TTN: variants seen among roughly 807,000 people sequenced by gnomAD.
The protein encoded by TTN is titin, also known as connectin.
TTN carries 1,525 observed loss-of-function variants against 3,223.0 expected under a neutral mutation model. That is an observed-to-expected ratio of 0.47 (90% CI 0.45 to 0.49). TTN has a LOEUF of 0.49. TTN is among the 20% of genes least tolerant of loss of function. TTN has a pLI of 0.00. For missense variants in TTN, 40,786 were observed against 43,424.0 expected (o/e 0.94, Z 5.40); for synonymous variants, 14,094 against 15,161.0 (o/e 0.93, Z 5.17).
rs769543331 is a variant in TTN at position 178,553,175 on chromosome 2, T to C, written c.89725A>G (p.Lys29909Glu). The C allele has an allele frequency of 4.3e-6, 7 of 1,613,838 alleles. No homozygotes were observed. Among genetic ancestry groups the C allele is most frequent in the Non-Finnish European group, 5.9e-6 (7 of 1,179,774 alleles). ...IPQVTRNDTG[K>E]YILTIENGVG... ...CCATTTTCTATTGTGAGAATATATT[T>C]TCCTGTATCATTGCGAGTAACTTGA... The change falls in exon 335 of 363, where the codon AAA becomes GAA. Residue 29909 changes from lysine to glutamate, a missense_variant. Transcript: ENST00000589042.
rs1206730042 is a variant in TTN, at chr2:178,780,041, C to T, written c.3688G>A (p.Ala1230Thr). 53 of 1,613,186 alleles carry T rather than the reference C, an allele frequency of 3.3e-5. No individual in the cohort carries two copies. Among genetic ancestry groups the T allele is most frequent in the Non-Finnish European group, 4.4e-5 (52 of 1,179,822 alleles). ...GTTCTGACCACTACAGTATCTTTGG[C>T]CATTTTCTTCCTAATTAAGGCTTGT... The part of the protein sequence containing the change: ...KEQALIRKKM[A>T]KDTVVVRTYV... The change falls in exon 22 of 363, where the codon GCC (alanine) becomes ACC (threonine). Residue 1230 changes from alanine (A) to threonine (T), a missense_variant. Transcript: ENST00000589042.
chr2:178,605,843 T>C (rs1207863590), intron 278 of TTN, 130 bp from the exon 279 acceptor site: 1 of 854,306 alleles, frequency 1.2e-6, no homozygotes, highest in Non-Finnish European at 1.6e-6. Flanking sequence ...TTATTTAAAA[T>C]CATTCCTAAA....
At chr2:178,645,716 G>T in intron 217 of TTN, 1 of 384,990 alleles carries the variant, frequency 2.6e-6, no homozygotes, top group East Asian at 4.3e-5. Flanking sequence ...TGTACTTTCT[G>T]ACTTTTGCAG....
chr2:178,593,206 G>A lies in TTN; in HGVS notation c.59002C>T (p.Pro19668Ser). ...NEIGIGDPSP[P>S]SKPVFAKDPI... The stretch of plus-strand genomic sequence containing the variant: ...TCTTTAGCAAAGACTGGTTTGGATG[G>A]TGGGCTTGGATCTCCAATACCAATT... The change falls in exon 299 of 363, where the codon CCA becomes TCA. Residue 19668 changes from proline (P) to serine (S), a missense_variant. Coordinates refer to ENST00000589042, the MANE Select transcript of TTN (RefSeq NM_001267550.2). 1.2e-6 allele frequency: 2 copies of A among 1,613,370 alleles called. No individual in the cohort carries two copies. The highest frequency in any genetic ancestry group is 1.7e-6 in the Non-Finnish European group (2 of 1,179,590).
At chr2:178,745,275 C>A in intron 47 of TTN, 1 of 1,184,412 alleles carries the variant, frequency 8.4e-7, no homozygotes, top group Non-Finnish European at 1.1e-6. Flanking sequence ...TCCACTGAAA[C>A]ACTTTGTGGA....
At chr2:178,733,145 A>T (rs751689977) in intron 54 of TTN, 24 bp from the exon 55 acceptor site, 1 of 1,567,900 alleles carries the variant, frequency 6.4e-7, no homozygotes, top group Non-Finnish European at 8.6e-7. Context: ...AAGAAGGGAG[A>T]AAAGGTCAAT....
intron 250 of TTN, 88 bp from the exon 251 acceptor site, chr2:178,618,941 G>A: frequency 6.7e-7 from 1 of 1,499,968 alleles, no homozygotes; most frequent in Non-Finnish European, 8.9e-7. Flanking sequence ...AGAAAATATT[G>A]GTTACATAAC....
In TTN at chr2:178,751,841, G is replaced by T. The variant is rs189445085; in HGVS notation, c.11311+1283C>A. ...AATTAATCTACATGTAAAAACAACC[G>T]GTTCACCCTCTAAAACATATTTAAA... On this transcript the variant is annotated intron_variant, in intron 47 of 362. Transcript: ENST00000589042. 15 of 1,612,612 alleles carry T rather than the reference G, an allele frequency of 9.3e-6. No individual in the cohort carries two copies. The African/African-American group carries it at 1.6e-4, about 17-fold the overall frequency.
In TTN at chr2:178,549,003, C is replaced by G. The variant is rs753079465; in HGVS notation, c.92623G>C (p.Ala30875Pro). ...LGDWHKVNAE[A>P]CVKTRYTVTD... Reference sequence around the variant, plus strand: ...ACTGTATATCTTGTTTTCACACATGCCTCTGCATTCACCTTGTGCCAGTCT... The same window carrying G: ...ACTGTATATCTTGTTTTCACACATGGCTCTGCATTCACCTTGTGCCAGTCT... The change falls in exon 339 of 363, where the codon GCA becomes CCA. Residue 30875 changes from alanine (A) to proline (P), a missense_variant. Transcript: ENST00000589042. 3 of 1,613,892 alleles carry G rather than the reference C, an allele frequency of 1.9e-6. No individual in the cohort carries two copies. Among genetic ancestry groups the G allele is most frequent in the Non-Finnish European group, 2.5e-6 (3 of 1,179,838 alleles).
rs565739809 is a variant in TTN at position 178,625,409 on chromosome 2, A to T, written c.44425-13T>A. 1.2e-5 allele frequency: 19 copies of T among 1,541,310 alleles called. No individual in the cohort carries two copies. Among genetic ancestry groups the T allele is most frequent in the African/African-American group, 2.8e-5 (2 of 70,462 alleles). ...AACGTGGGACCACCTAGTTGTTTTT[A>T]AAAAAAGAATACATGAAACAGCAAT... On this transcript the variant is annotated splice_polypyrimidine_tract_variant and intron_variant, in intron 240 of 362. Coordinates refer to ENST00000589042, the MANE Select transcript of TTN (RefSeq NM_001267550.2).
At chr2:178,604,331 A>G in intron 281 of TTN, 26 bp from the exon 282 acceptor site, 1 of 1,425,802 alleles carries the variant, frequency 7.0e-7, no homozygotes, top group Non-Finnish European at 9.2e-7. Context: ...ACAGAAATTT[A>G]TTGAAGAGAA....
At position 178,799,477 on chromosome 2, in the gene TTN, G is replaced by C; in HGVS notation, c.914+10C>G. On this transcript the variant is annotated intron_variant, in intron 6 of 362. Transcript: ENST00000589042. Reference sequence around the variant, plus strand: ...TGTGCAATAATCTGCTCTCTCTATGGCAGCTTTACCTGACCGGAGATGGGG... The same window carrying C: ...TGTGCAATAATCTGCTCTCTCTATGCCAGCTTTACCTGACCGGAGATGGGG... 6.2e-7 allele frequency: 1 copy of C among 1,614,074 alleles called. No homozygotes were observed.
In TTN at chr2:178,557,691, A is replaced by G. The variant is rs397517737; in HGVS notation, c.87663T>C (p.Ser29221=). ...RIKAENRFGI[S]DHIDSACVTV... ...TCACACAAGCTGAATCTATATGATC[A>G]CTGATGCCAAAGCGGTTTTCTGCCT... is the stretch of plus-strand genomic sequence containing the variant. The change falls in exon 328 of 363, where the codon AGT becomes AGC. Residue 29221 remains serine, a synonymous_variant. Transcript: ENST00000589042. 1.1e-5 allele frequency: 18 copies of G among 1,613,852 alleles called. No individual in the cohort carries two copies. The highest frequency in any genetic ancestry group is 3.3e-4 in the Middle Eastern group (2 of 6,078).
In TTN at chr2:178,667,129, G is replaced by A. The variant is rs10221760; in HGVS notation, c.35797+107C>T. On this transcript the variant is annotated intron_variant, in intron 162 of 362. Coordinates refer to ENST00000589042, the MANE Select transcript of TTN (RefSeq NM_001267550.2). Reference sequence around the variant, plus strand: ...GGGTATATCAGATCCTTTAAACACAGTATTTTAACATTAGAGGTTGTGAGA... The same window carrying A: ...GGGTATATCAGATCCTTTAAACACAATATTTTAACATTAGAGGTTGTGAGA... The A allele has an allele frequency of 0.053, 58,983 of 1,111,474 alleles. 4,378 individuals are homozygous for A. Among genetic ancestry groups the A allele is most frequent in the African/African-American group, 0.27 (17,264 of 63,008 alleles). The allele number at this position is 1,111,474 out of a possible 1,614,324, so 68.9% of individuals were successfully genotyped here.
In TTN at chr2:178,552,144, A is replaced by G. The variant is rs1196080914; in HGVS notation, c.90756T>C (p.Asn30252=). Residue 30252 remains asparagine (N), a synonymous_variant, in exon 335 of 363, where the codon AAT becomes AAC. Coordinates refer to ENST00000589042, the MANE Select transcript of TTN (RefSeq NM_001267550.2). Reference sequence around the variant, plus strand: ...TGTAACAAGTAATTTCTCCTCCTCCATTATCTTCAGGTACATCCCATGACA... The same window carrying G: ...TGTAACAAGTAATTTCTCCTCCTCCGTTATCTTCAGGTACATCCCATGACA... ...VILSWDVPED[N]GGGEITCYSI... 2 of 1,613,702 alleles carry G rather than the reference A, an allele frequency of 1.2e-6. No individual in the cohort carries two copies. The highest frequency in any genetic ancestry group is 1.7e-6 in the Non-Finnish European group (2 of 1,179,790).
At position 178,635,167 on chromosome 2, in the gene TTN, G is replaced by A; in HGVS notation, c.42022C>T (p.Pro14008Ser). ...KLKGELLRPSPTCEIKAEGGK... is the reference protein window; with the variant it reads ...KLKGELLRPSSTCEIKAEGGK... The stretch of plus-strand genomic sequence containing the variant: ...ATTTAAAATGTGAAATTACTCACAG[G>A]TGAGGGCCTTAGAAGTTCTCCTTTC... The change falls in exon 228 of 363, where the codon CCT becomes TCT. Residue 14008 changes from proline (P) to serine (S), a missense_variant and splice_region_variant. By Grantham distance (74) the Pro-to-Ser change is moderately conservative. Transcript: ENST00000589042. 1 of 1,612,730 alleles carries A rather than the reference G, an allele frequency of 6.2e-7. No homozygotes were observed. Among genetic ancestry groups the A allele is most frequent in the Non-Finnish European group, 8.5e-7 (1 of 1,179,348 alleles).
intron 265 of TTN, 55 bp from the exon 266 acceptor site, chr2:178,612,631 A>G (rs2056551702): frequency 1.3e-6 from 2 of 1,558,888 alleles, no homozygotes; most frequent in Non-Finnish European, 1.7e-6. Context: ...CCCAATAGTC[A>G]GTCTGAAAGT....
chr2:178,678,888 AGGCT>A (rs2068699099), intron 142 of TTN, 58 bp from the exon 143 acceptor site: 3 of 1,452,430 alleles, frequency 2.1e-6, no homozygotes, highest in Admixed American at 2.3e-5. Flanking sequence ...TAAGATTTTA[AGGCT>A]GGCAATGTAA....
At chr2:178,761,008 A>G (rs2154337927) in intron 43 of TTN, 1 of 152,340 alleles carries the variant, frequency 6.6e-6, no homozygotes, top group East Asian at 1.9e-4. Flanking sequence ...TGAACTGCAC[A>G]CAATAAGTGA....
Sources: gnomAD v4.1 joint callset for allele counts on GRCh38, gnomAD v4.1.1 for gene constraint, MANE v1.5 for transcripts, NCBI Gene and HGNC (gene_info 2026-07-23, HGNC 2026-07-21) for gene names.